The following NKAIN2 variants were observed in gnomAD, a reference collection of about 807,000 sequenced individuals.
NKAIN2 encodes sodium/potassium transporting ATPase interacting 2, also known as sodium/potassium-transporting ATPase subunit beta-1-interacting protein 2.
Under a neutral mutation model 32.6 loss-of-function variants are expected in NKAIN2, and 14 were observed. The observed-to-expected ratio is 0.43, with a 90% CI of 0.28 to 0.67. NKAIN2 has a LOEUF of 0.67. NKAIN2 is among the 30% of genes least tolerant of loss of function. The probability of loss-of-function intolerance (pLI) is 0.17; values close to 1 mark genes in which losing one functional copy is unlikely to be tolerated. For missense variants in NKAIN2, 198 were observed against 258.3 expected, an observed-to-expected ratio of 0.77 and a Z score of 1.60; for synonymous variants, 80 against 87.2, an observed-to-expected ratio of 0.92 and a Z score of 0.46.
chr6:124,702,912 A>AAGTT (rs1774871571), intron 4 of NKAIN2, among the ~76,000 whole-genome samples: 1 of 152,114 alleles, frequency 6.6e-6, no homozygotes, highest in Non-Finnish European at 1.5e-5. Flanking sequence ...TGGTTTCATA[A>AAGTT]AGTTAAATTT....
chr6:124,154,724 GTTC>G (rs1345623799), intron 1 of NKAIN2, among the ~76,000 whole-genome samples: 4 of 151,894 alleles, frequency 2.6e-5, no homozygotes, highest in Non-Finnish European at 5.9e-5. Context: ...ACTGAATTGT[GTTC>G]TTCTTATTTA....
At chr6:123,894,880 A>G (rs911570668) in intron 1 of NKAIN2, among the ~76,000 whole-genome samples, 1 of 152,106 alleles carries the variant, frequency 6.6e-6, no homozygotes, top group African/African-American at 2.4e-5. Context: ...TTTTGATACC[A>G]TTATAATATA....
intron 1 of NKAIN2, among the ~76,000 whole-genome samples, chr6:124,227,307 G>GC (rs1792171268): frequency 6.6e-6 from 1 of 152,020 alleles, no homozygotes; most frequent in Non-Finnish European, 1.5e-5. Flanking sequence ...TGTAGCTGAA[G>GC]CTTTTTCTAT....
At chr6:124,385,501 AG>A (rs764261854) in intron 3 of NKAIN2, among the ~76,000 whole-genome samples, 37 of 152,162 alleles carry the variant, frequency 2.4e-4, no homozygotes, top group Non-Finnish European at 3.8e-4. Flanking sequence ...AAAGATCACC[AG>A]GATCTGGCCC....
intron 2 of NKAIN2, among the ~76,000 whole-genome samples, chr6:124,330,385 G>A (rs1448809006): frequency 6.6e-6 from 1 of 152,144 alleles, no homozygotes; most frequent in Non-Finnish European, 1.5e-5. Flanking sequence ...AGCATGACTG[G>A]TCAGAAGGAA....
chr6:124,141,683 A>T (rs1787147413), intron 1 of NKAIN2, among the ~76,000 whole-genome samples: 1 of 151,948 alleles, frequency 6.6e-6, no homozygotes, highest in Non-Finnish European at 1.5e-5. Context: ...GATTCTTGGT[A>T]ATCTTCTCTC....
chr6:123,832,549 A>G (rs1403191790), intron 1 of NKAIN2, among the ~76,000 whole-genome samples: 1 of 152,204 alleles, frequency 6.6e-6, no homozygotes, highest in Non-Finnish European at 1.5e-5. Context: ...GAAACCGCTA[A>G]ACTGTCTTCC....
chr6:124,083,953 A>G (rs946736233), intron 1 of NKAIN2, among the ~76,000 whole-genome samples: 1 of 151,992 alleles, frequency 6.6e-6, no homozygotes, highest in Non-Finnish European at 1.5e-5. Context: ...GACTCACAAT[A>G]TATAACAAGG....
In NKAIN2 at chr6:124,460,387, T is replaced by C. The variant is rs376626652; in HGVS notation, c.273+105040T>C. Reference sequence around the variant, plus strand: ...CATTTTTATTTGGCTTTCTTCTCACTAAACCACATCCTTTAGAAGTTTCTT... The same window carrying C: ...CATTTTTATTTGGCTTTCTTCTCACCAAACCACATCCTTTAGAAGTTTCTT... On this transcript the variant is annotated intron_variant, in intron 3 of 6. Coordinates refer to ENST00000368417, the MANE Select transcript of NKAIN2 (RefSeq NM_001040214.3). Among the ~76,000 whole-genome samples the C allele has an allele frequency of 1.6e-3, 238 of 151,930 alleles. 2 individuals carry two copies. The highest frequency in any genetic ancestry group is 5.5e-3 in the African/African-American group (228 of 41,550).
At chr6:124,776,718 T>G (rs1383449911) in intron 4 of NKAIN2, among the ~76,000 whole-genome samples, 1 of 152,188 alleles carries the variant, frequency 6.6e-6, no homozygotes, top group African/African-American at 2.4e-5. Flanking sequence ...ATCTTTCTAT[T>G]ATACAGTGTT....
At chr6:124,681,944 G>A (rs1317741523) in intron 4 of NKAIN2, among the ~76,000 whole-genome samples, 1 of 151,806 alleles carries the variant, frequency 6.6e-6, no homozygotes, top group East Asian at 1.9e-4. Flanking sequence ...ATGAAAGAAA[G>A]GAACAGAGGG....
chr6:124,668,603 ATCT>A (rs1562315201), intron 4 of NKAIN2, among the ~76,000 whole-genome samples: 2 of 152,030 alleles, frequency 1.3e-5, no homozygotes, highest in African/African-American at 2.4e-5. Flanking sequence ...ATTTCATGCC[ATCT>A]TCTTAGTTTA....
chr6:124,478,074 T>C (rs989727179), intron 3 of NKAIN2, among the ~76,000 whole-genome samples: 1 of 151,918 alleles, frequency 6.6e-6, no homozygotes, highest in Non-Finnish European at 1.5e-5. Flanking sequence ...GGTGAAAGGA[T>C]AAAGGAGAAA....
At position 124,086,340 on chromosome 6, in the gene NKAIN2, A is replaced by G. The variant is rs150821869; in HGVS notation, c.55-196665A>G. 4.4e-3 allele frequency among the ~76,000 whole-genome samples: 672 copies of G among 152,140 alleles called. 3 individuals are homozygous for G. The highest frequency in any genetic ancestry group is 0.013 in the African/African-American group (536 of 41,558). Reference sequence around the variant, plus strand: ...GGTTCAGTTGACATTTTCTGAATCTATATTCATGGACTGGCTCTCTGATTT... The same window carrying G: ...GGTTCAGTTGACATTTTCTGAATCTGTATTCATGGACTGGCTCTCTGATTT... On this transcript the variant is annotated intron_variant, in intron 1 of 6. Coordinates refer to ENST00000368417, the MANE Select transcript of NKAIN2 (RefSeq NM_001040214.3).
chr6:124,148,921 A>G (rs537894251), intron 1 of NKAIN2, among the ~76,000 whole-genome samples: 26 of 152,288 alleles, frequency 1.7e-4, no homozygotes, highest in Non-Finnish European at 3.4e-4. Flanking sequence ...ATTTCCACCA[A>G]CAGCATTGAG....
chr6:124,547,675 C>T (rs924271156), intron 3 of NKAIN2, among the ~76,000 whole-genome samples: 6 of 152,078 alleles, frequency 3.9e-5, no homozygotes, highest in African/African-American at 1.4e-4. Flanking sequence ...CATCAACTAC[C>T]CTGTTTAATG....
At chr6:124,344,966 G>T (rs921473040) in intron 2 of NKAIN2, among the ~76,000 whole-genome samples, 1 of 152,134 alleles carries the variant, frequency 6.6e-6, no homozygotes, top group Non-Finnish European at 1.5e-5. Flanking sequence ...ATTGGCTGTG[G>T]TTTTGTCATA....
intron 5 of NKAIN2, among the ~76,000 whole-genome samples, chr6:124,809,457 C>T (rs1486886342): frequency 1.4e-3 from 203 of 146,452 alleles, no homozygotes; most frequent in African/African-American, 5.0e-3. Flanking sequence ...TGGATGCCTT[C>T]CTTACACCTT....
intron 1 of NKAIN2, among the ~76,000 whole-genome samples, chr6:123,868,284 A>G (rs1325256851): frequency 6.6e-6 from 1 of 152,208 alleles, no homozygotes; most frequent in Non-Finnish European, 1.5e-5. Flanking sequence ...AGGTGAGAGT[A>G]AGACTGAGAC....
Sources: gnomAD v4.1 joint callset for allele counts (sites outside exome capture counted in the v4.1 genomes callset) on GRCh38, gnomAD v4.1.1 for gene constraint, MANE v1.5 for transcripts, NCBI Gene and HGNC (gene_info 2026-07-23, HGNC 2026-07-21) for gene names.